ENAH: variants seen among roughly 807,000 people sequenced by gnomAD.
ENAH encodes the protein protein enabled homolog.
In ENAH, 23 loss-of-function variants were observed where a neutral mutation model predicts 78.7. The ratio of observed to expected loss-of-function variants is 0.29; its 90% CI spans 0.21 to 0.41. The LOEUF (loss-of-function observed/expected upper bound fraction) is 0.41, where lower values mean the gene tolerates loss of function less well. Among genes scored for constraint, ENAH ranks in the 10% least tolerant of loss-of-function variants. ENAH has a pLI of 1.00. For missense variants in ENAH, 544 were observed against 691.0 expected, an observed-to-expected ratio of 0.79 and a Z score of 2.39; for synonymous variants, 226 against 241.0, an observed-to-expected ratio of 0.94 and a Z score of 0.58.
At chr1:225,516,453 G>A (rs1033391068) in intron 6 of ENAH, among the ~76,000 whole-genome samples, 25 of 152,190 alleles carry the variant, frequency 1.6e-4, no homozygotes, top group Non-Finnish European at 1.8e-4. Flanking sequence ...CTGGGATGAC[G>A]TATCTAATGA....
At position 225,491,019 on chromosome 1, in the gene ENAH, G is replaced by A. The variant is rs1185474516; in HGVS notation, c.*6756C>T. ...GACAAACCTCAGACTTGATCAATGGGTGGAGGGAAACTCCATATTTAAAAT... is the reference window on the plus strand; with the variant it reads ...GACAAACCTCAGACTTGATCAATGGATGGAGGGAAACTCCATATTTAAAAT... On this transcript the variant is annotated 3_prime_UTR_variant, in exon 14 of 14. Transcript: ENST00000366843. 6 of 152,194 alleles carry A rather than the reference G, an allele frequency of 3.9e-5. No individual in the cohort carries two copies. The highest frequency in any genetic ancestry group is 5.9e-5 in the Non-Finnish European group (4 of 68,038). The allele number at this position is 152,194 out of a possible 1,614,324, so 9.4% of individuals were successfully genotyped here.
chr1:225,597,313 C>G (rs1456792132), intron 1 of ENAH, among the ~76,000 whole-genome samples: 1 of 151,956 alleles, frequency 6.6e-6, no homozygotes, highest in Non-Finnish European at 1.5e-5. Context: ...ACAAAATAGT[C>G]GTTATTCATC....
intron 1 of ENAH, among the ~76,000 whole-genome samples, chr1:225,642,465 C>T (rs780312389): frequency 2.0e-5 from 3 of 152,074 alleles, no homozygotes; most frequent in Non-Finnish European, 4.4e-5. Context: ...ATGGGATAGA[C>T]ACACCAGATG....
chr1:225,516,872 T>C (rs1348796159), intron 6 of ENAH, among the ~76,000 whole-genome samples: 1 of 145,244 alleles, frequency 6.9e-6, no homozygotes, highest in Non-Finnish European at 1.5e-5. Flanking sequence ...AGACTCTGTC[T>C]CAAAAAAACA....
At chr1:225,500,195 T>C (rs1242632368) in intron 12 of ENAH, among the ~76,000 whole-genome samples, 1 of 152,230 alleles carries the variant, frequency 6.6e-6, no homozygotes, top group Non-Finnish European at 1.5e-5. Context: ...TTCCAATAGC[T>C]TTGCAGTATG....
intron 1 of ENAH, among the ~76,000 whole-genome samples, chr1:225,573,203 A>G (rs1037251543): frequency 1.3e-5 from 2 of 152,214 alleles, no homozygotes. Flanking sequence ...CTTTTCAAAG[A>G]TATCACTTAT....
intron 1 of ENAH, among the ~76,000 whole-genome samples, chr1:225,627,758 C>A (rs772582808): frequency 2.0e-5 from 3 of 152,158 alleles, no homozygotes; most frequent in Non-Finnish European, 1.5e-5. Flanking sequence ...ATCTAATTAG[C>A]ACCCCTGGAC....
intron 1 of ENAH, among the ~76,000 whole-genome samples, chr1:225,640,503 T>C (rs998798021): frequency 3.3e-5 from 5 of 152,152 alleles, no homozygotes. Flanking sequence ...ACATTAACAT[T>C]TGGAAAATTC....
chr1:225,566,740 A>T (rs1027694208), intron 2 of ENAH, among the ~76,000 whole-genome samples: 1 of 152,228 alleles, frequency 6.6e-6, no homozygotes, highest in Non-Finnish European at 1.5e-5. Context: ...CAGAGCGAGG[A>T]ATTAGTAAAA....
chr1:225,653,722 T>G (rs1663483522), upstream of ENAH, among the ~76,000 whole-genome samples: 1 of 152,146 alleles, frequency 6.6e-6, no homozygotes, highest in Non-Finnish European at 1.5e-5. This position sits in a 1 kb window ranked among gnomAD's most constrained non-coding sequence, Gnocchi z 4.3. Context: ...TGTTGCGGTC[T>G]CAGGACGGGG....
chr1:225,591,403 G>C (rs912519789), intron 1 of ENAH, among the ~76,000 whole-genome samples: 2 of 151,900 alleles, frequency 1.3e-5, no homozygotes, highest in African/African-American at 4.8e-5. Flanking sequence ...CGGAGGTGGA[G>C]GTTGCAGTGA....
intron 1 of ENAH, among the ~76,000 whole-genome samples, chr1:225,610,129 G>A (rs898899150): frequency 6.6e-6 from 1 of 150,892 alleles, no homozygotes; most frequent in Non-Finnish European, 1.5e-5. Context: ...GTATATTTAG[G>A]GGAAATCACA....
chr1:225,580,003 T>A (rs1028067914), intron 1 of ENAH, among the ~76,000 whole-genome samples: 9 of 152,158 alleles, frequency 5.9e-5, no homozygotes, highest in Non-Finnish European at 1.2e-4. Context: ...TTTTAAAATT[T>A]CTCACCCTAC....
At position 225,492,614 on chromosome 1, in the gene ENAH, G is replaced by A. The variant is rs539880227; in HGVS notation, c.*5161C>T. ...GATTCTTTGGTTCAAACACTTAATT[G>A]GGGCTTCATCTTTGATTTTTTCTGC... On this transcript the variant is annotated 3_prime_UTR_variant, in exon 14 of 14. Coordinates refer to ENST00000366843, the MANE Select transcript of ENAH (RefSeq NM_018212.6). 1.1e-4 allele frequency: 16 copies of A among 152,262 alleles called. No individual in the cohort carries two copies. The East Asian group carries it at 2.7e-3, about 26-fold the overall frequency. The allele number at this position is 152,262 out of a possible 1,614,324, so 9.4% of individuals were successfully genotyped here.
chr1:225,500,858 A>T, intron 12 of ENAH, 134 bp downstream of exon 12: 1 of 819,982 alleles, frequency 1.2e-6, no homozygotes, highest in Non-Finnish European at 1.9e-6. Flanking sequence ...TACTAATGCC[A>T]CTGTTTAATT....
chr1:225,552,441 A>G (rs2096646029), intron 3 of ENAH, among the ~76,000 whole-genome samples: 1 of 152,058 alleles, frequency 6.6e-6, no homozygotes, highest in African/African-American at 2.4e-5. Flanking sequence ...CCCGGCCCTG[A>G]TTCTTAACAT....
Position 225,519,459 on chromosome 1 carries a change from G to A in ENAH, c.541C>T (p.Leu181=), listed in dbSNP as rs1379407447. ...LERERLERER[L]ERERLEQEQL... is the part of the protein sequence containing the mutation. ...TCTTGTTCCAGTCGCTCCCTCTCCA[G>A]CCTTTCCCTTTCTAACCTCTCTCTC... The change falls in exon 5 of 14, where the codon CTG becomes TTG. Residue 181 remains leucine, a synonymous_variant. Transcript: ENST00000366843. The A allele has an allele frequency of 1.2e-6, 2 of 1,611,372 alleles. No homozygotes were observed. Among genetic ancestry groups the A allele is most frequent in the Non-Finnish European group, 1.7e-6 (2 of 1,178,918 alleles).
intron 4 of ENAH, among the ~76,000 whole-genome samples, chr1:225,526,963 C>T (rs1240189519): frequency 6.6e-6 from 1 of 152,154 alleles, no homozygotes; most frequent in Non-Finnish European, 1.5e-5. Context: ...AAATGAGCTT[C>T]ACTGGCAAGG....
At chr1:225,516,881 C>CA (rs537786721) in intron 6 of ENAH, among the ~76,000 whole-genome samples, 7,628 of 114,032 alleles carry the variant, frequency 0.067, 212 homozygotes, top group Non-Finnish European at 0.093. Flanking sequence ...CTCAAAAAAA[C>CA]AAAAAAAAAA....
Sources: allele counts gnomAD v4.1 joint callset (sites outside exome capture counted in the v4.1 genomes callset), GRCh38; gene constraint gnomAD v4.1.1; non-coding constraint Gnocchi (gnomAD v3.1); transcripts MANE v1.5; gene names NCBI Gene and HGNC (gene_info 2026-07-23, HGNC 2026-07-21).